Variants in CDKAL1 observed in about 807,000 individuals in gnomAD.
The protein encoded by CDKAL1 is threonylcarbamoyladenosine tRNA methylthiotransferase.
A neutral mutation model predicts 68.2 loss-of-function variants in CDKAL1; 32 were observed. That is an observed-to-expected ratio of 0.47 (90% CI 0.35 to 0.63). The LOEUF (loss-of-function observed/expected upper bound fraction) is 0.63. Among genes scored for constraint, CDKAL1 ranks in the 30% least tolerant of loss-of-function variants. The pLI, the probability that CDKAL1 is intolerant of heterozygous loss-of-function variation, is 0.00. For synonymous variants in CDKAL1, 234 were observed against 244.3 expected (o/e 0.96, Z 0.39); for missense variants, 606 against 696.7 (o/e 0.87, Z 1.47).
intron 11 of CDKAL1, among the ~76,000 whole-genome samples, chr6:21,052,344 G>A (rs1173654865): frequency 6.6e-6 from 1 of 151,566 alleles, no homozygotes; most frequent in African/African-American, 2.4e-5. Context: ...TGTTTGTCCC[G>A]ATTTGTCTAT....
At chr6:20,536,139 G>C (rs1763163161) in intron 2 of CDKAL1, among the ~76,000 whole-genome samples, 1 of 145,484 alleles carries the variant, frequency 6.9e-6, no homozygotes, top group Non-Finnish European at 1.5e-5. Flanking sequence ...GGTCCGTGTT[G>C]CCTAGGCTCT....
At chr6:21,103,567 G>A (rs1049413172) in intron 12 of CDKAL1, among the ~76,000 whole-genome samples, 4 of 152,134 alleles carry the variant, frequency 2.6e-5, no homozygotes, top group African/African-American at 7.2e-5. Context: ...TACCAAACAT[G>A]CATACTGCCT....
At chr6:21,018,242 A>G (rs1268124656) in intron 11 of CDKAL1, among the ~76,000 whole-genome samples, 2 of 152,170 alleles carry the variant, frequency 1.3e-5, no homozygotes, top group Non-Finnish European at 2.9e-5. Flanking sequence ...ATGCCTAACA[A>G]TAGGGTCCAA....
intron 5 of CDKAL1, among the ~76,000 whole-genome samples, chr6:20,727,993 A>G (rs1772730862): frequency 6.6e-6 from 1 of 152,114 alleles, no homozygotes; most frequent in Non-Finnish European, 1.5e-5. Flanking sequence ...GCATGTATAT[A>G]TTTTATATGT....
At chr6:20,707,352 AG>A (rs1412098225) in intron 5 of CDKAL1, among the ~76,000 whole-genome samples, 1 of 152,242 alleles carries the variant, frequency 6.6e-6, no homozygotes, top group African/African-American at 2.4e-5. Flanking sequence ...GGGTGTTTGA[AG>A]TAAGAAAACA....
At chr6:20,979,288 CATT>C (rs1373687631) in intron 10 of CDKAL1, among the ~76,000 whole-genome samples, 10 of 152,120 alleles carry the variant, frequency 6.6e-5, no homozygotes, top group Non-Finnish European at 1.3e-4. Context: ...AGTTATCAAA[CATT>C]ATGCTAAACA....
At chr6:21,066,003 T>C (rs1482084725) in intron 12 of CDKAL1, among the ~76,000 whole-genome samples, 1 of 151,546 alleles carries the variant, frequency 6.6e-6, no homozygotes, top group Non-Finnish European at 1.5e-5. Flanking sequence ...CCGCAATTAC[T>C]TTTGCACTAA....
chr6:20,734,452 A>T (rs1773095576), intron 5 of CDKAL1, among the ~76,000 whole-genome samples: 1 of 152,202 alleles, frequency 6.6e-6, no homozygotes, highest in East Asian at 1.9e-4. Flanking sequence ...TTGCAGGATA[A>T]AAGCTTTTAA....
rs940538758 is a variant in CDKAL1 at position 20,964,026 on chromosome 6, C to T, written c.909+8441C>T. Among the ~76,000 whole-genome samples, 8 of 151,948 alleles carry T rather than the reference C, an allele frequency of 5.3e-5. No homozygotes were observed. The East Asian group carries it at 9.7e-4, about 18-fold the overall frequency. ...TGAACAGAAACTTTTCAGAAGACAA[C>T]GTACATGTGGCCAACCATCATATGA... On this transcript the variant is annotated intron_variant, in intron 10 of 15. Transcript: ENST00000274695.
At chr6:20,682,782 A>G (rs1356646031) in intron 5 of CDKAL1, among the ~76,000 whole-genome samples, 1 of 152,190 alleles carries the variant, frequency 6.6e-6, no homozygotes, top group Non-Finnish European at 1.5e-5. Context: ...ATTAGACTGC[A>G]TTATAATTTT....
chr6:20,676,691 AAATAAAT>A (rs562674737), intron 5 of CDKAL1, among the ~76,000 whole-genome samples: 12,769 of 147,974 alleles, frequency 0.086, 1,773 homozygotes, highest in African/African-American at 0.3. Flanking sequence ...ATAAATAAAT[AAATAAAT>A]AAATAAAATA....
chr6:20,714,516 G>C (rs887157732), intron 5 of CDKAL1, among the ~76,000 whole-genome samples: 3 of 148,896 alleles, frequency 2.0e-5, no homozygotes, highest in Non-Finnish European at 3.0e-5. Context: ...AGCCTCCCAA[G>C]TAGCTGACAC....
Position 20,781,276 on chromosome 6 carries a change from C to G in CDKAL1, c.638+11C>G. On this transcript the variant is annotated intron_variant, in intron 8 of 15. Coordinates refer to ENST00000274695, the MANE Select transcript of CDKAL1 (RefSeq NM_017774.3). ...TTCCATCAATACCGGGTAAGCATCT[C>G]TCAAACTTGCTCATAAAATATTCAA... 1.3e-6 allele frequency: 2 copies of G among 1,595,672 alleles called. No homozygotes were observed. The highest frequency in any genetic ancestry group is 1.7e-6 in the Non-Finnish European group (2 of 1,172,426).
At chr6:21,108,508 C>T (rs777189464) in intron 13 of CDKAL1, 45 bp downstream of exon 13, 111 of 1,243,176 alleles carry the variant, frequency 8.9e-5, no homozygotes, top group Middle Eastern at 2.1e-4. Flanking sequence ...AAAGTCTTTC[C>T]GAATGTATAG....
intron 8 of CDKAL1, among the ~76,000 whole-genome samples, chr6:20,788,815 G>A (rs189019932): frequency 2.0e-4 from 31 of 152,214 alleles, no homozygotes; most frequent in African/African-American, 7.2e-4. Flanking sequence ...ACGACTTTAT[G>A]CTGTTCAATG....
At chr6:21,034,789 G>A (rs1453641292) in intron 11 of CDKAL1, among the ~76,000 whole-genome samples, 1 of 152,108 alleles carries the variant, frequency 6.6e-6, no homozygotes, top group Non-Finnish European at 1.5e-5. Context: ...TATTTTTGTT[G>A]CTGTTACATT....
intron 5 of CDKAL1, among the ~76,000 whole-genome samples, chr6:20,714,406 T>TTTTTTG (rs1562046861): frequency 1.9e-5 from 2 of 104,120 alleles, no homozygotes; most frequent in Non-Finnish European, 3.6e-5. Flanking sequence ...TTTTTTTTTT[T>TTTTTTG]GAGACAGAAT....
intron 9 of CDKAL1, among the ~76,000 whole-genome samples, chr6:20,868,485 T>C (rs1023095307): frequency 2.0e-5 from 3 of 152,242 alleles, no homozygotes; most frequent in Non-Finnish European, 4.4e-5. Context: ...ATGTCCTTGA[T>C]ACAATTAATG....
chr6:21,013,045 C>T (rs1470513137), intron 11 of CDKAL1, among the ~76,000 whole-genome samples: 3 of 152,180 alleles, frequency 2.0e-5, no homozygotes, highest in Non-Finnish European at 1.5e-5. Flanking sequence ...TTCTTCCCTA[C>T]TCTGAACTTA....
Sources: allele counts gnomAD v4.1 joint callset (sites outside exome capture counted in the v4.1 genomes callset), GRCh38; gene constraint gnomAD v4.1.1; transcripts MANE v1.5; gene names NCBI Gene and HGNC (gene_info 2026-07-23, HGNC 2026-07-21).